CACHD1: variants seen among roughly 807,000 people sequenced by gnomAD.
The protein encoded by CACHD1 is VWFA and cache domain-containing protein 1.
Under a neutral mutation model 138.7 loss-of-function variants are expected in CACHD1, and 71 were observed. The ratio of observed to expected loss-of-function variants is 0.51; its 90% confidence interval spans 0.42 to 0.62. The LOEUF (loss-of-function observed/expected upper bound fraction) is 0.62. CACHD1 is among the 20% of genes least tolerant of loss of function. The pLI, the probability that CACHD1 is intolerant of heterozygous loss-of-function variation, is 0.00. For missense variants in CACHD1, 1,389 were observed against 1,625.3 expected, an observed-to-expected ratio of 0.85 and a Z score of 2.50; for synonymous variants, 578 against 591.5, an observed-to-expected ratio of 0.98 and a Z score of 0.33.
intron 4 of CACHD1, among the ~76,000 whole-genome samples, chr1:64,623,974 G>A (rs970267778): frequency 2.0e-5 from 3 of 152,176 alleles, no homozygotes; most frequent in Admixed American, 6.5e-5. Context: ...CAAGTTATCC[G>A]GTGGCTAGAC....
At chr1:64,575,792 T>C (rs944499609) in intron 2 of CACHD1, among the ~76,000 whole-genome samples, 3 of 152,200 alleles carry the variant, frequency 2.0e-5, no homozygotes, top group Non-Finnish European at 2.9e-5. Flanking sequence ...CACTATGCCT[T>C]TGCATTTTTG....
intron 3 of CACHD1, among the ~76,000 whole-genome samples, chr1:64,601,165 C>G (rs1344118105): frequency 6.6e-6 from 1 of 152,184 alleles, no homozygotes; most frequent in Non-Finnish European, 1.5e-5. Flanking sequence ...TTTTCAGTAG[C>G]TGCTTTCACA....
intron 13 of CACHD1, among the ~76,000 whole-genome samples, chr1:64,662,195 C>G (rs1456714818): frequency 2.6e-5 from 4 of 152,182 alleles, no homozygotes; most frequent in African/African-American, 9.7e-5. Context: ...CTCCCAGCCC[C>G]ACATACATAC....
At chr1:64,567,884 C>T (rs1646895575) in intron 2 of CACHD1, among the ~76,000 whole-genome samples, 1 of 152,130 alleles carries the variant, frequency 6.6e-6, no homozygotes, top group South Asian at 2.1e-4. Context: ...GCTCAGTTGT[C>T]AGGGGTAAAA....
intron 1 of CACHD1, among the ~76,000 whole-genome samples, chr1:64,527,149 T>C (rs1425666863): frequency 2.0e-5 from 3 of 152,146 alleles, no homozygotes; most frequent in Non-Finnish European, 4.4e-5. Context: ...TGGCGTAAAA[T>C]GGATGAGTGC....
intron 3 of CACHD1, among the ~76,000 whole-genome samples, chr1:64,590,458 T>A (rs1647090459): frequency 6.6e-6 from 1 of 152,178 alleles, no homozygotes; most frequent in Non-Finnish European, 1.5e-5. Context: ...TTGTATACAT[T>A]TCTATAATAG....
At chr1:64,634,790 C>T (rs1261426911) in intron 7 of CACHD1, among the ~76,000 whole-genome samples, 1 of 151,856 alleles carries the variant, frequency 6.6e-6, no homozygotes, top group African/African-American at 2.4e-5. Context: ...GTCGGGAGTT[C>T]GAGACCAGCC....
chr1:64,607,619 A>C (rs2100589257), intron 4 of CACHD1, among the ~76,000 whole-genome samples: 1 of 152,316 alleles, frequency 6.6e-6, no homozygotes, highest in East Asian at 1.9e-4. Flanking sequence ...GATTGACACA[A>C]GAGCAAGGGG....
At chr1:64,541,417 T>G (rs1333530593) in intron 1 of CACHD1, among the ~76,000 whole-genome samples, 1 of 152,230 alleles carries the variant, frequency 6.6e-6, no homozygotes, top group African/African-American at 2.4e-5. Flanking sequence ...TTTTCAAATG[T>G]TTTGTAATGG....
chr1:64,541,971 A>G (rs1646680709), intron 1 of CACHD1, among the ~76,000 whole-genome samples: 2 of 146,830 alleles, frequency 1.4e-5, no homozygotes, highest in Admixed American at 6.8e-5. Context: ...ATAGAATAAT[A>G]GTAGACTATC....
intron 4 of CACHD1, among the ~76,000 whole-genome samples, chr1:64,604,904 G>A (rs187497431): frequency 3.6e-4 from 54 of 150,880 alleles, no homozygotes; most frequent in Admixed American, 2.8e-3. Context: ...ACCCGCCTCG[G>A]CCTTCCAAAG....
At chr1:64,675,222 T>A (rs1446174658) in intron 19 of CACHD1, among the ~76,000 whole-genome samples, 179 bp from the exon 20 acceptor site, 11 of 152,234 alleles carry the variant, frequency 7.2e-5, no homozygotes, top group Admixed American at 2.0e-4. Flanking sequence ...TGATTATGAA[T>A]AATTTTTATT....
intron 9 of CACHD1, 120 bp downstream of exon 9, chr1:64,648,154 G>A (rs752026533): frequency 7.0e-6 from 5 of 719,046 alleles, no homozygotes; most frequent in South Asian, 5.5e-5. Flanking sequence ...CTATATCTCT[G>A]TATTGTACAG....
intron 13 of CACHD1, among the ~76,000 whole-genome samples, chr1:64,661,243 C>T (rs1649430953): frequency 6.6e-6 from 1 of 152,078 alleles, no homozygotes. Flanking sequence ...TTCAAGTGAG[C>T]TGATAGAAGG....
At chr1:64,590,547 G>T (rs1023200292) in intron 3 of CACHD1, among the ~76,000 whole-genome samples, 1 of 152,116 alleles carries the variant, frequency 6.6e-6, no homozygotes, top group Non-Finnish European at 1.5e-5. Flanking sequence ...TAATTTTGAT[G>T]ATTAACATGC....
chr1:64,671,760 G>A (rs1649825229), intron 17 of CACHD1, 74 bp downstream of exon 17: 4 of 1,560,556 alleles, frequency 2.6e-6, no homozygotes, highest in Non-Finnish European at 3.5e-6. Context: ...CTAGTTGAAT[G>A]GGAACCGCAT....
chr1:64,637,316 A>G (rs566621971), intron 7 of CACHD1, among the ~76,000 whole-genome samples: 32 of 152,350 alleles, frequency 2.1e-4, no homozygotes, highest in African/African-American at 7.2e-4. Context: ...GTTGGAGAAC[A>G]TGGTCACATG....
chr1:64,602,986 AT>A (rs376759587), intron 4 of CACHD1, 74 bp downstream of exon 4: 10,870 of 710,612 alleles, frequency 0.015, 225 homozygotes, highest in African/African-American at 0.096. Context: ...TATTGCTTCA[AT>A]TTTTTTTTTT....
chr1:64,576,607 G>C (rs1172707823), intron 2 of CACHD1, among the ~76,000 whole-genome samples: 2 of 152,170 alleles, frequency 1.3e-5, no homozygotes, highest in African/African-American at 4.8e-5. Context: ...GTGAGGTGGA[G>C]GGAGGCAAGA....
Sources: allele counts gnomAD v4.1 joint callset (sites outside exome capture counted in the v4.1 genomes callset), GRCh38; gene constraint gnomAD v4.1.1; transcripts MANE v1.5; gene names NCBI Gene and HGNC (gene_info 2026-07-23, HGNC 2026-07-21).